DLG2: variants seen among roughly 807,000 people sequenced by gnomAD.
The protein encoded by DLG2 is discs large MAGUK scaffold protein 2, also known as disks large homolog 2.
DLG2 carries 45 observed loss-of-function variants against 132.5 expected under a neutral mutation model. The observed-to-expected ratio is 0.34, with a 90% CI of 0.27 to 0.44. The LOEUF (loss-of-function observed/expected upper bound fraction) is 0.44. Ranked by LOEUF, DLG2 falls within the 20% of genes least tolerant of loss-of-function variation. The pLI, the probability that DLG2 is intolerant of heterozygous loss-of-function variation, is 1.00. For synonymous variants in DLG2, 424 were observed against 419.6 expected, an observed-to-expected ratio of 1.01 and a Z score of -0.13; for missense variants, 1,045 against 1,196.9, an observed-to-expected ratio of 0.87 and a Z score of 1.87.
intron 3 of DLG2, among the ~76,000 whole-genome samples, chr11:85,564,096 A>G (rs948629966): frequency 6.6e-6 from 1 of 152,058 alleles, no homozygotes; most frequent in Non-Finnish European, 1.5e-5. Context: ...CTTGTTTTCA[A>G]AAAGTTTTTT....
chr11:83,675,678 T>A (rs373991404), intron 18 of DLG2, among the ~76,000 whole-genome samples: 187 of 152,324 alleles, frequency 1.2e-3, no homozygotes, highest in African/African-American at 4.1e-3. Context: ...GTGAGACTGA[T>A]ACTTTAGGTT....
At chr11:83,619,390 G>T (rs996954925) in intron 19 of DLG2, among the ~76,000 whole-genome samples, 1 of 152,134 alleles carries the variant, frequency 6.6e-6, no homozygotes, top group Non-Finnish European at 1.5e-5. Context: ...AGAAAATGTG[G>T]TATTTCTAGA....
At chr11:85,497,947 A>T (rs1370474581) in intron 3 of DLG2, among the ~76,000 whole-genome samples, 1 of 152,216 alleles carries the variant, frequency 6.6e-6, no homozygotes, top group Non-Finnish European at 1.5e-5. Context: ...CATGGATAGG[A>T]ACAACTGGTA....
chr11:84,046,029 T>C (rs746071308), intron 11 of DLG2, among the ~76,000 whole-genome samples: 2 of 151,550 alleles, frequency 1.3e-5, no homozygotes, highest in South Asian at 2.1e-4. Flanking sequence ...CTACCATTAG[T>C]ATGGGAAAAC....
intron 19 of DLG2, among the ~76,000 whole-genome samples, chr11:83,564,861 T>TTC (rs397795167): frequency 1.3e-5 from 2 of 152,036 alleles, no homozygotes; most frequent in African/African-American, 4.8e-5. Context: ...TCTTTTTTTT[T>TTC]CTGCACTGAT....
At chr11:84,396,715 T>G (rs781504721) in intron 7 of DLG2, among the ~76,000 whole-genome samples, 2 of 152,202 alleles carry the variant, frequency 1.3e-5, no homozygotes, top group Non-Finnish European at 2.9e-5. Context: ...GAAAACAAGC[T>G]TTCTTGTGAG....
chr11:85,598,710 G>C lies in DLG2; in HGVS notation c.-14C>G. The C allele has an allele frequency of 6.3e-7, 1 of 1,574,802 alleles. No homozygotes were observed. Among genetic ancestry groups the C allele is most frequent in the South Asian group, 1.2e-5 (1 of 84,284 alleles). On this transcript the variant is annotated 5_prime_UTR_variant, in exon 3 of 28. Coordinates refer to ENST00000376104, the MANE Select transcript of DLG2 (RefSeq NM_001142699.3). ...AAAGATACCCATCACCTTTTTAACC[G>C]CATTTTTCAACAGCTGCTCCTCTGG...
chr11:85,374,954 A>G (rs1026108760), intron 3 of DLG2, among the ~76,000 whole-genome samples: 1 of 152,108 alleles, frequency 6.6e-6, no homozygotes, highest in African/African-American at 2.4e-5. Context: ...TTAATTTCAA[A>G]TTATTCAGCA....
At chr11:84,042,780 G>T (rs2096125969) in intron 11 of DLG2, among the ~76,000 whole-genome samples, 1 of 151,782 alleles carries the variant, frequency 6.6e-6, no homozygotes, top group Admixed American at 6.6e-5. Context: ...ACTAAAGCAG[G>T]ATCAGAAAAC....
At chr11:85,205,149 TATATATATATATATAG>T (rs1343634794) in intron 4 of DLG2, among the ~76,000 whole-genome samples, 2 of 138,970 alleles carry the variant, frequency 1.4e-5, no homozygotes, top group South Asian at 2.2e-4. Context: ...TGTGTGTGTA[TATATATATATATATAG>T]ATATATATAT....
At chr11:85,480,336 T>C (rs1295922070) in intron 3 of DLG2, among the ~76,000 whole-genome samples, 1 of 152,044 alleles carries the variant, frequency 6.6e-6, no homozygotes, top group Non-Finnish European at 1.5e-5. Flanking sequence ...AATATGGAAA[T>C]ATCCTAATTG....
chr11:85,535,905 G>C (rs1166169254), intron 3 of DLG2, among the ~76,000 whole-genome samples: 2 of 152,110 alleles, frequency 1.3e-5, no homozygotes, highest in Non-Finnish European at 2.9e-5. Context: ...AATAATGTAG[G>C]ATTCCATTTA....
intron 7 of DLG2, chr11:84,272,115 T>A (rs1392628500): frequency 5.4e-6 from 1 of 185,830 alleles, no homozygotes; most frequent in African/African-American, 2.4e-5. Context: ...ATAAGCTTTA[T>A]GGCTTTAGTA....
At chr11:84,683,227 T>C (rs137895667) in intron 6 of DLG2, among the ~76,000 whole-genome samples, 418 of 152,296 alleles carry the variant, frequency 2.7e-3, no homozygotes, top group Non-Finnish European at 4.7e-3. Context: ...TCAAGTTTAA[T>C]ATGTGTTGTG....
At chr11:84,203,386 T>A (rs2096621875) in intron 8 of DLG2, among the ~76,000 whole-genome samples, 1 of 151,920 alleles carries the variant, frequency 6.6e-6, no homozygotes, top group African/African-American at 2.4e-5. Context: ...ATGGAGACCA[T>A]CCTGGCTAAC....
rs57645009 is a variant in DLG2, at chr11:85,546,888, C to T, written c.40+51769G>A. Among the ~76,000 whole-genome samples the T allele has an allele frequency of 7.9e-3, 1,123 of 142,956 alleles. 16 individuals carry two copies. The highest frequency in any genetic ancestry group is 0.029 in the African/African-American group (1,093 of 37,956). The allele number at this position is 142,956 out of a possible 152,430, so 93.8% of individuals were successfully genotyped here. A position where few individuals can be genotyped will look rare whatever the true frequency, so the allele number is the denominator to read the frequency against. ...ATTTCTCCATCCCTTTATTTTCAGCCTATGTGTGTCTTTGCATGTGAGATG... is the reference window on the plus strand; with the variant it reads ...ATTTCTCCATCCCTTTATTTTCAGCTTATGTGTGTCTTTGCATGTGAGATG... On this transcript the variant is annotated intron_variant, in intron 3 of 27. Transcript: ENST00000376104.
intron 3 of DLG2, among the ~76,000 whole-genome samples, chr11:85,323,481 T>C (rs1648132659): frequency 6.6e-6 from 1 of 152,242 alleles, no homozygotes; most frequent in South Asian, 2.1e-4. Context: ...AACACAAATA[T>C]TTGTCATTTC....
In DLG2 at chr11:83,662,741, G is replaced by A. The variant is rs184965289; in HGVS notation, c.1826-29416C>T. Among the ~76,000 whole-genome samples the A allele has an allele frequency of 1.7e-3, 259 of 152,278 alleles. 1 individual carries two copies. Among genetic ancestry groups the A allele is most frequent in the Middle Eastern group, 0.01 (3 of 294 alleles). ...TCCCACTGTATTACAAGATCAGGAA[G>A]CCCGAGAACTATATGCTCAGAACCT... is the stretch of plus-strand genomic sequence containing the variant. On this transcript the variant is annotated intron_variant, in intron 18 of 27. Transcript: ENST00000376104.
intron 20 of DLG2, 82 bp downstream of exon 20, chr11:83,541,600 G>A (rs753534964): frequency 2.0e-4 from 250 of 1,249,886 alleles, no homozygotes; most frequent in Non-Finnish European, 2.6e-4. Context: ...TTTGTGAACA[G>A]TTTCTCCCAC....
Sources: gnomAD v4.1 joint callset for allele counts (sites outside exome capture counted in the v4.1 genomes callset) on GRCh38, gnomAD v4.1.1 for gene constraint, MANE v1.5 for transcripts, NCBI Gene and HGNC (gene_info 2026-07-23, HGNC 2026-07-21) for gene names.